The following SYTL5 variants were observed in gnomAD, a reference collection of about 807,000 sequenced individuals.
SYTL5 encodes synaptotagmin-like protein 5.
SYTL5 carries 34 observed loss-of-function variants against 55.9 expected under a neutral mutation model. The observed-to-expected ratio is 0.61, with a 90% CI of 0.46 to 0.81. The LOEUF (loss-of-function observed/expected upper bound fraction) is 0.81, where lower values mean the gene tolerates loss of function less well. Ranked by LOEUF, SYTL5 falls within the 30% of genes least tolerant of loss-of-function variation. The pLI is 0.00. For missense variants in SYTL5, 637 were observed against 546.7 expected (o/e 1.17, Z -1.65); for synonymous variants, 221 against 188.7 (o/e 1.17, Z -1.40).
chrX:38,103,513 A>C (rs1258990237), intron 10 of SYTL5, among the ~76,000 whole-genome samples: 1 of 110,176 alleles, frequency 9.1e-6, no homozygotes, highest in Non-Finnish European at 1.9e-5. Context: ...TTCTTTGAAA[A>C]TGTGGCTACA....
Position 38,033,737 on chromosome X carries a change from A to T in SYTL5, c.-153A>T. On this transcript the variant is annotated 5_prime_UTR_variant, in exon 2 of 17. Transcript: ENST00000297875. ...GTATAGCCTGAAAGAATACTTAACT[A>T]CCATACGCAATTCTGCAGAGACCTT... 8 of 356,882 alleles carry T rather than the reference A, an allele frequency of 2.2e-5. No homozygotes were observed. The South Asian group carries it at 5.7e-4, about 25-fold the overall frequency. 29.4% of individuals were successfully genotyped at this position (356,882 alleles called of 1,213,427 possible). A position where few individuals can be genotyped will look rare whatever the true frequency, so the allele number is the denominator to read the frequency against.
At chrX:38,101,162 C>T (rs191112787) in intron 9 of SYTL5, among the ~76,000 whole-genome samples, 27 of 110,961 alleles carry the variant, frequency 2.4e-4, no homozygotes, top group African/African-American at 6.5e-4. Flanking sequence ...TCAGAGTATA[C>T]GCTTATGCAG....
chrX:38,067,508 A>G (rs1303638734), intron 3 of SYTL5, among the ~76,000 whole-genome samples: 1 of 111,850 alleles, frequency 8.9e-6, no homozygotes, highest in African/African-American at 3.2e-5. Flanking sequence ...AAAAGTTAAA[A>G]ACTCTTCTTT....
chrX:38,085,930 C>G (rs747891347), intron 6 of SYTL5, among the ~76,000 whole-genome samples: 20 of 111,095 alleles, frequency 1.8e-4, no homozygotes, highest in Non-Finnish European at 3.4e-4. Flanking sequence ...GTGCTGAACC[C>G]CTATTAACCT....
Position 38,034,002 on chromosome X carries a change from G to A in SYTL5, c.113G>A (p.Arg38Lys). Residue 38 changes from arginine (R) to lysine (K), a missense_variant, in exon 2 of 17, where the codon AGA (arginine) becomes AAA (lysine). Arg to Lys is a conservative substitution (Grantham distance 26, BLOSUM62 2). Transcript: ENST00000297875. Reference sequence around the variant, plus strand: ...TATTTGAAAAAAGTGGAGGACAAGAGAATAAGGTAGTATTCTTTTTATTTT... The same window carrying A: ...TATTTGAAAAAAGTGGAGGACAAGAAAATAAGGTAGTATTCTTTTTATTTT... ...DEYLKKVEDK[R>K]IRKLKNELLE... 9.1e-7 allele frequency: 1 copy of A among 1,104,452 alleles called. No individual in the cohort carries two copies. The highest frequency in any genetic ancestry group is 1.2e-6 in the Non-Finnish European group (1 of 807,955). 91.0% of individuals were successfully genotyped at this position (1,104,452 alleles called of 1,213,427 possible).
intron 1 of SYTL5, among the ~76,000 whole-genome samples, chrX:38,028,277 C>G (rs1934843120): frequency 8.9e-6 from 1 of 112,318 alleles, no homozygotes; most frequent in African/African-American, 3.2e-5. Flanking sequence ...ATTGGCTCTA[C>G]AAATCAAGTT....
the SYTL5 span, among the ~76,000 whole-genome samples, chrX:37,903,781 C>T: frequency 2.7e-5 from 3 of 111,498 alleles, no homozygotes; most frequent in Non-Finnish European, 5.7e-5. Context: ...TCCTGGAAAA[C>T]TCCTAATTGT....
At chrX:37,998,324 G>T in the SYTL5 span, among the ~76,000 whole-genome samples, 1 of 112,097 alleles carries the variant, frequency 8.9e-6, no homozygotes, top group African/African-American at 3.2e-5. Context: ...AAGAGTTTTG[G>T]CCCTTCGGGG....
At chrX:37,956,110 G>A in the SYTL5 span, among the ~76,000 whole-genome samples, 2 of 112,012 alleles carry the variant, frequency 1.8e-5, no homozygotes, top group Non-Finnish European at 3.8e-5. Context: ...AGTTTAAGAT[G>A]CAAAAGCAGA....
the SYTL5 span, among the ~76,000 whole-genome samples, chrX:37,959,500 G>A: frequency 9.0e-6 from 1 of 111,641 alleles, no homozygotes. Flanking sequence ...ATACCATTAG[G>A]GGGCAATAGC....
the SYTL5 span, among the ~76,000 whole-genome samples, chrX:37,908,121 G>GAA: frequency 1.1e-5 from 1 of 89,925 alleles, no homozygotes; most frequent in Non-Finnish European, 2.2e-5. Flanking sequence ...TGTCTCTAAA[G>GAA]AAAAAAAAAA....
chrX:37,984,656 T>C, the SYTL5 span, among the ~76,000 whole-genome samples: 1 of 111,290 alleles, frequency 9.0e-6, no homozygotes, highest in African/African-American at 3.3e-5. Context: ...ATTGCCCAGA[T>C]ACCAAAGCCA....
At position 38,116,191 on chromosome X, in the gene SYTL5, G is replaced by C. The variant is rs1293814120; in HGVS notation, c.1597-4167G>C. Among the ~76,000 whole-genome samples, 3 of 111,591 alleles carry C rather than the reference G, an allele frequency of 2.7e-5. No individual in the cohort carries two copies. In the East Asian group the frequency reaches 8.4e-4, roughly 31 times the overall value. On this transcript the variant is annotated intron_variant, in intron 13 of 16. Transcript: ENST00000297875. ...TTGTCCCAATACTGTTTATTAAAGA[G>C]ACTGTCCTTTCCCCATTGTGTATTT...
chrX:38,046,392 TC>T (rs1166250655), intron 2 of SYTL5, among the ~76,000 whole-genome samples: 11 of 111,550 alleles, frequency 9.9e-5, no homozygotes, highest in Non-Finnish European at 1.3e-4. Context: ...GAGGCACGTC[TC>T]ACATGGTGGC....
At chrX:37,991,793 C>T in the SYTL5 span, among the ~76,000 whole-genome samples, 1 of 111,952 alleles carries the variant, frequency 8.9e-6, no homozygotes, top group Non-Finnish European at 1.9e-5. Context: ...GAGAAACCAT[C>T]ATGAAAAATG....
At chrX:38,100,631 C>A (rs1937059153) in intron 9 of SYTL5, among the ~76,000 whole-genome samples, 1 of 111,094 alleles carries the variant, frequency 9.0e-6, no homozygotes, top group Non-Finnish European at 1.9e-5. Flanking sequence ...AAAAAAATAT[C>A]TAACAATACC....
At chrX:37,911,811 C>T in the SYTL5 span, among the ~76,000 whole-genome samples, 1 of 111,555 alleles carries the variant, frequency 9.0e-6, no homozygotes. Flanking sequence ...TATACACACA[C>T]ATACATATAC....
the SYTL5 span, among the ~76,000 whole-genome samples, chrX:37,893,778 G>T: frequency 0.083 from 6,147 of 74,176 alleles, 1,339 homozygotes; most frequent in African/African-American, 0.43. Flanking sequence ...ATAAACTATA[G>T]ATTATATAGA....
intron 6 of SYTL5, among the ~76,000 whole-genome samples, chrX:38,081,613 G>A (rs1936532795): frequency 9.0e-6 from 1 of 111,242 alleles, no homozygotes; most frequent in South Asian, 3.8e-4. Context: ...ATAGGAGAGT[G>A]GGGAAATGAG....
Sources: gnomAD v4.1 joint callset for allele counts (sites outside exome capture counted in the v4.1 genomes callset) on GRCh38, gnomAD v4.1.1 for gene constraint, MANE v1.5 for transcripts, NCBI Gene and HGNC (gene_info 2026-07-23, HGNC 2026-07-21) for gene names.